The following PIGG variants were observed in gnomAD, a reference collection of about 807,000 sequenced individuals.
The protein encoded by PIGG is GPI ethanolamine phosphate transferase 2, catalytic subunit.
PIGG carries 70 observed loss-of-function variants against 83.2 expected under a neutral mutation model. The ratio of observed to expected loss-of-function variants is 0.84; its 90% CI spans 0.69 to 1.03. The LOEUF (loss-of-function observed/expected upper bound fraction) is 1.03. Ranked by LOEUF, PIGG falls within the 50% of genes least tolerant of loss-of-function variation. The pLI is 0.00. For missense variants in PIGG, 1,257 were observed against 1,233.6 expected (o/e 1.02, Z -0.28); for synonymous variants, 532 against 519.5 (o/e 1.02, Z -0.33).
At position 507,394 on chromosome 4, in the gene PIGG, C is replaced by A; in HGVS notation, c.571-11C>A. The A allele has an allele frequency of 6.3e-7, 1 of 1,596,024 alleles. No homozygotes were observed. Among genetic ancestry groups the A allele is most frequent in the South Asian group, 1.1e-5 (1 of 89,528 alleles). ...AGGTGAGTTGTTTATACGTGTGTTT[C>A]CCCTTCAAAGGTGGATAATAATGTC... On this transcript the variant is annotated splice_polypyrimidine_tract_variant and intron_variant, in intron 3 of 12. Transcript: ENST00000453061.
At chr4:520,654 C>G (rs962821620) in intron 6 of PIGG, among the ~76,000 whole-genome samples, 8 of 152,222 alleles carry the variant, frequency 5.3e-5, no homozygotes, top group African/African-American at 1.9e-4. Flanking sequence ...TAAAACCTGA[C>G]TGTTGACATA....
rs563896993 is a variant in PIGG at position 527,165 on chromosome 4, C to G, written c.2196C>G (p.Tyr732Ter). The G allele has an allele frequency of 6.2e-7, 1 of 1,613,840 alleles. No individual in the cohort carries two copies. The highest frequency in any genetic ancestry group is 1.3e-5 in the African/African-American group (1 of 75,042). ...TGGCGCTGGGGCTGCTGGGCGTCTA[C>G]TGCTACCGGGCGGCCATCGGGAGTG... The part of the protein sequence containing the change: ...AALALGLLGV[Y>*]CYRAAIGSVR... Residue 732 changes from tyrosine to a stop codon, truncating the protein, a stop_gained, in exon 10 of 13, where the codon TAC (tyrosine) becomes TAG (stop). Coordinates refer to ENST00000453061, the MANE Select transcript of PIGG (RefSeq NM_001127178.3). LOFTEE classifies it high-confidence loss of function.
chr4:505,159 A>G (rs1261624582), intron 2 of PIGG, among the ~76,000 whole-genome samples: 2 of 152,102 alleles, frequency 1.3e-5, no homozygotes, highest in Admixed American at 6.5e-5. Flanking sequence ...TCGCAAACCC[A>G]TAGCTGCTTC....
chr4:512,160 C>T (rs894356371), intron 5 of PIGG, among the ~76,000 whole-genome samples: 2 of 151,668 alleles, frequency 1.3e-5, no homozygotes, highest in Admixed American at 6.6e-5. Context: ...CTTTCTTCTG[C>T]CAGTTCAAGT....
rs1312009405 is a variant in PIGG at position 523,492 on chromosome 4, C to T, written c.1648C>T (p.Leu550=). The change falls in exon 9 of 13, where the codon CTA becomes TTA. Residue 550 remains leucine, a synonymous_variant. Coordinates refer to ENST00000453061, the MANE Select transcript of PIGG (RefSeq NM_001127178.3). ...PMHPSSRWSE[L]DLLILLGTAG... ...GCATCCCAGCTCAAGGTGGTCAGAG[C>T]TAGACCTTCTTATTCTGTTGGGGAC... is the stretch of plus-strand genomic sequence containing the variant. 6.2e-6 allele frequency: 10 copies of T among 1,613,700 alleles called. No individual in the cohort carries two copies. Among genetic ancestry groups the T allele is most frequent in the Non-Finnish European group, 8.5e-6 (10 of 1,179,814 alleles).
Position 522,373 on chromosome 4 carries a change from T to TCATCCTGCCACCCCCAGAATG in PIGG, c.1614+442_1614+462dup, listed in dbSNP as rs1553891614. ...TCAAAAGGAGACTTGGTCGCACCAC[T>TCATCCTGCCACCCCCAGAATG]CATCCTGCCACCCCCAGAATGCATC... On this transcript the variant is annotated intron_variant, in intron 8 of 12. Coordinates refer to ENST00000453061, the MANE Select transcript of PIGG (RefSeq NM_001127178.3). The TCATCCTGCCACCCCCAGAATG allele has an allele frequency of 4.3e-3, 1,287 of 297,178 alleles. 9 individuals are homozygous for TCATCCTGCCACCCCCAGAATG. The highest frequency in any genetic ancestry group is 0.025 in the African/African-American group (1,183 of 47,814). 18.4% of individuals were successfully genotyped at this position (297,178 alleles called of 1,614,324 possible).
At chr4:535,331 T>G (rs1467403830) in intron 12 of PIGG, among the ~76,000 whole-genome samples, 1 of 132,804 alleles carries the variant, frequency 7.5e-6, no homozygotes, top group African/African-American at 3.5e-5. Context: ...CGGCATCTAC[T>G]AGAGTGCCCC....
At chr4:502,731 C>G (rs1323841614) in intron 2 of PIGG, among the ~76,000 whole-genome samples, 2 of 152,036 alleles carry the variant, frequency 1.3e-5, no homozygotes, top group Non-Finnish European at 2.9e-5. Flanking sequence ...AGTCCCTACC[C>G]TCTTTAAAAA....
At chr4:511,173 A>AC (rs1237535896) in intron 5 of PIGG, among the ~76,000 whole-genome samples, 1 of 151,800 alleles carries the variant, frequency 6.6e-6, no homozygotes, top group East Asian at 1.9e-4. Context: ...CATGCCTGTA[A>AC]CCCCAGCTAC....
rs782369088 is a variant in PIGG at position 499,351 on chromosome 4, G to C, written c.16G>C (p.Gly6Arg). The change falls in exon 1 of 13, where the codon GGG (glycine) becomes CGG (arginine). Residue 6 changes from glycine (G) to arginine (R), a missense_variant. By Grantham distance (125) the Gly-to-Arg change is moderately radical. Coordinates refer to ENST00000453061, the MANE Select transcript of PIGG (RefSeq NM_001127178.3). ...CGTGTCCACGATGCGGCTGGGCTCC[G>C]GGACTTTCGCTACCTGTTGCGTAGC... The part of the protein sequence containing the change: MRLGS[G>R]TFATCCVAIE... The C allele has an allele frequency of 5.0e-6, 8 of 1,608,784 alleles. No homozygotes were observed. In the South Asian group the frequency reaches 8.8e-5, roughly 18 times the overall value.
Position 540,183 on chromosome 4 carries a change from G to GT in PIGG, c.*817dup, listed in dbSNP as rs1731669260. The GT allele has an allele frequency of 6.6e-6, 1 of 152,066 alleles. No individual in the cohort carries two copies. The highest frequency in any genetic ancestry group is 2.4e-5 in the African/African-American group (1 of 41,378). 9.4% of individuals were successfully genotyped at this position (152,066 alleles called of 1,614,324 possible). On this transcript the variant is annotated 3_prime_UTR_variant, in exon 13 of 13. Transcript: ENST00000453061. ...TTGTCTTTAAAATGAAAAAATAAAT[G>GT]TTTAATGAGAAAAGTGATAATGTTT...
intron 4 of PIGG, among the ~76,000 whole-genome samples, 179 bp from the exon 5 acceptor site, chr4:508,650 T>C (rs1312631540): frequency 1.3e-5 from 2 of 152,202 alleles, no homozygotes; most frequent in Non-Finnish European, 2.9e-5. Flanking sequence ...ACTTCATTTA[T>C]GGCATTATTT....
intron 11 of PIGG, chr4:531,520 T>C (rs1215440831): frequency 6.6e-6 from 1 of 152,666 alleles, no homozygotes; most frequent in Admixed American, 6.5e-5. Flanking sequence ...CCAGGAGGCA[T>C]GTGCAGTTCT....
rs1728177326 is a variant in PIGG at position 528,146 on chromosome 4, T to A, written c.2261+916T>A. ...GTCGGTGCTCTGCAGAGGGGTCTTC[T>A]GGCTGTTAGGCAGCCTATTTTCACA... is the stretch of plus-strand genomic sequence containing the variant. On this transcript the variant is annotated intron_variant, in intron 10 of 12. Transcript: ENST00000453061. The surrounding 1 kb of genome is among the most constrained non-coding windows in gnomAD (Gnocchi z 4.8). 1.0e-6 allele frequency: 1 copy of A among 985,230 alleles called. No individual in the cohort carries two copies. The highest frequency in any genetic ancestry group is 1.2e-6 in the Non-Finnish European group (1 of 829,902). The allele number at this position is 985,230 out of a possible 1,614,324, so 61.0% of individuals were successfully genotyped here.
At chr4:508,558 CAG>C (rs1422076931) in intron 4 of PIGG, among the ~76,000 whole-genome samples, 7 of 152,338 alleles carry the variant, frequency 4.6e-5, no homozygotes, top group African/African-American at 1.7e-4. Flanking sequence ...GTGGCAAAGA[CAG>C]AAACCAGATA....
Position 527,119 on chromosome 4 carries a change from C to T in PIGG, c.2150C>T (p.Ser717Phe), listed in dbSNP as rs117059276. The T allele has an allele frequency of 1.7e-5, 27 of 1,614,174 alleles. No homozygotes were observed. Among genetic ancestry groups the T allele is most frequent in the Middle Eastern group, 1.7e-4 (1 of 6,060 alleles). Reference sequence around the variant, plus strand: ...TTTGTGCTGGTGCAGAGGGGGTGCTCCCCTGTGTCCAAGGCTGCCCTGGCG... The same window carrying T: ...TTTGTGCTGGTGCAGAGGGGGTGCTTCCCTGTGTCCAAGGCTGCCCTGGCG... ...VVFVLVQRGC[S>F]PVSKAALALG... is the part of the protein sequence containing the mutation. Residue 717 changes from serine to phenylalanine, a missense_variant, in exon 10 of 13, where the codon TCC (serine) becomes TTC (phenylalanine). Transcript: ENST00000453061.
At chr4:537,542 CTTGGGGTCCACCTCCCT>C (rs1358880840) in intron 12 of PIGG, among the ~76,000 whole-genome samples, 2 of 152,136 alleles carry the variant, frequency 1.3e-5, no homozygotes, top group Non-Finnish European at 2.9e-5. Context: ...TTGAGGATAC[CTTGGGGTCCACCTCCCT>C]GTGGGGTCCC....
chr4:530,792 A>T (rs776139091), intron 11 of PIGG, 47 bp downstream of exon 11: 1 of 1,275,632 alleles, frequency 7.8e-7, no homozygotes, highest in Non-Finnish European at 1.1e-6. Flanking sequence ...TGTTTTACAT[A>T]TTTATTTTAA....
In PIGG at chr4:515,982, G is replaced by A. The variant is rs765531884; in HGVS notation, c.911G>A (p.Arg304Gln). 8.1e-6 allele frequency: 13 copies of A among 1,613,466 alleles called. No individual in the cohort carries two copies. Among genetic ancestry groups the A allele is most frequent in the South Asian group, 3.3e-5 (3 of 91,014 alleles). ...GTTTTCTTTCTTCTAGGTGATATCCGACATCCAAAGCACGTCCAACAGACG... is the reference window on the plus strand; with the variant it reads ...GTTTTCTTTCTTCTAGGTGATATCCAACATCCAAAGCACGTCCAACAGACG... ...SAFERKPGDI[R>Q]HPKHVQQTDV... The change falls in exon 6 of 13, where the codon CGA becomes CAA. Residue 304 changes from arginine to glutamine, a missense_variant. Transcript: ENST00000453061. The surrounding 1 kb of genome is among the most constrained non-coding windows in gnomAD (Gnocchi z 4.2).
Sources: allele counts gnomAD v4.1 joint callset (sites outside exome capture counted in the v4.1 genomes callset), GRCh38; gene constraint gnomAD v4.1.1; non-coding constraint Gnocchi (gnomAD v3.1); transcripts MANE v1.5; gene names NCBI Gene and HGNC (gene_info 2026-07-23, HGNC 2026-07-21).